Variants in NDUFA10 observed in about 807,000 individuals in gnomAD.
NDUFA10 encodes NADH dehydrogenase [ubiquinone] 1 alpha subcomplex subunit 10, mitochondrial.
A neutral mutation model predicts 47.8 loss-of-function variants in NDUFA10; 40 were observed. That is an observed-to-expected ratio of 0.84 (90% CI 0.65 to 1.09). The LOEUF (loss-of-function observed/expected upper bound fraction) is 1.09, where lower values mean the gene tolerates loss of function less well. Among genes scored for constraint, NDUFA10 ranks in the 50% least tolerant of loss-of-function variants. The pLI, the probability that NDUFA10 is intolerant of heterozygous loss-of-function variation, is 0.00. For missense variants in NDUFA10, 413 were observed against 451.1 expected (o/e 0.92, Z 0.76); for synonymous variants, 183 against 172.2 (o/e 1.06, Z -0.49).
At chr2:239,905,511 A>C (rs1693634582) in intron 4 of NDUFA10, among the ~76,000 whole-genome samples, 1 of 152,234 alleles carries the variant, frequency 6.6e-6, no homozygotes, top group Non-Finnish European at 1.5e-5. Context: ...GTGTGAGGCC[A>C]ACAGCACCTG....
chr2:240,018,257 G>C, intron 4 of NDUFA10: 1 of 699,102 alleles, frequency 1.4e-6, no homozygotes, highest in South Asian at 1.9e-5. Flanking sequence ...TAAGAGCGGG[G>C]GAGGTTCTAA....
chr2:240,004,279 G>A (rs1366519815), intron 8 of NDUFA10, among the ~76,000 whole-genome samples: 2 of 152,192 alleles, frequency 1.3e-5, no homozygotes, highest in East Asian at 1.9e-4. Context: ...TCCTTGGCAG[G>A]AGCAGTTTCA....
intron 8 of NDUFA10, among the ~76,000 whole-genome samples, chr2:240,002,355 A>G (rs1197785716): frequency 5.4e-5 from 8 of 148,192 alleles, no homozygotes; most frequent in Admixed American, 5.4e-4. Flanking sequence ...AAAAAAAAAA[A>G]AGACAAGGAA....
chr2:239,918,456 C>T (rs1322095862), intron 4 of NDUFA10, among the ~76,000 whole-genome samples: 2 of 152,230 alleles, frequency 1.3e-5, no homozygotes, highest in East Asian at 1.9e-4. Context: ...CCTCTTGAGC[C>T]CCTCCACCCC....
intron 9 of NDUFA10, among the ~76,000 whole-genome samples, chr2:239,972,787 C>T (rs1559337429): frequency 6.6e-6 from 1 of 152,166 alleles, no homozygotes; most frequent in African/African-American, 2.4e-5. Flanking sequence ...TCCTCCTTAA[C>T]TCTTATTAGC....
At chr2:239,989,978 C>A in intron 9 of NDUFA10, 96 bp downstream of exon 9, 2 of 897,816 alleles carry the variant, frequency 2.2e-6, no homozygotes, top group Non-Finnish European at 3.7e-6. Context: ...CAAAACACAG[C>A]AACAACAAAA....
chr2:240,004,685 G>T (rs1696877221), intron 8 of NDUFA10, among the ~76,000 whole-genome samples: 2 of 149,318 alleles, frequency 1.3e-5, no homozygotes, highest in East Asian at 3.9e-4. Context: ...TTGGCTGCTG[G>T]GCGCACCTTC....
intron 9 of NDUFA10, among the ~76,000 whole-genome samples, chr2:239,966,985 CCATGCTGTA>C (rs1485959498): frequency 6.6e-6 from 1 of 151,656 alleles, no homozygotes; most frequent in African/African-American, 2.4e-5. Context: ...AACCACTGGC[CCATGCTGTA>C]CATCACTCTG....
rs1313135953 is a variant in NDUFA10 at position 239,945,128 on chromosome 2, G to A, written c.294+44946C>T. 6.6e-6 allele frequency among the ~76,000 whole-genome samples: 1 copy of A among 152,068 alleles called. No individual in the cohort carries two copies. On this transcript the variant is annotated intron_variant, in intron 4 of 5. Coordinates refer to the NDUFA10 transcript ENST00000419408. This position sits in a 1 kb window ranked among gnomAD's most constrained non-coding sequence, Gnocchi z 4.6. ...CTATCCTCTACAGAAACCCAGGCAC[G>A]TGTACAGCCATCAGAGCCCCGGCAC...
downstream of NDUFA10, among the ~76,000 whole-genome samples, chr2:239,955,881 C>T (rs894723535): frequency 7.9e-5 from 12 of 152,126 alleles, no homozygotes; most frequent in Admixed American, 1.3e-4. Flanking sequence ...ACCTGAGAGA[C>T]CAAAGTGGGG....
chr2:239,973,295 C>T (rs4149558), intron 9 of NDUFA10, among the ~76,000 whole-genome samples: 117,306 of 152,108 alleles, frequency 0.77, 45,592 homozygotes, highest in African/African-American at 0.86. Context: ...TCATGAGGAA[C>T]CTAAAGCAGT....
chr2:239,955,399 T>C (rs1348109487), downstream of NDUFA10, among the ~76,000 whole-genome samples: 1 of 152,208 alleles, frequency 6.6e-6, no homozygotes, highest in Non-Finnish European at 1.5e-5. Flanking sequence ...AGCCGTCCTA[T>C]GGTCAGCGCT....
intron 4 of NDUFA10, among the ~76,000 whole-genome samples, chr2:239,905,032 T>A (rs1416286856): frequency 6.6e-6 from 1 of 152,228 alleles, no homozygotes; most frequent in Non-Finnish European, 1.5e-5. Flanking sequence ...AACCTTTAAC[T>A]GAGCTACAAA....
Position 239,897,412 on chromosome 2 carries a change from A to AG in NDUFA10, c.295-2099_295-2098insC, listed in dbSNP as rs1458686232. 3.5e-5 allele frequency among the ~76,000 whole-genome samples: 4 copies of AG among 115,262 alleles called. No individual in the cohort carries two copies. The South Asian group carries it at 1.3e-3, about 36-fold the overall frequency. 75.6% of individuals were successfully genotyped at this position (115,262 alleles called of 152,430 possible). A position where few individuals can be genotyped will look rare whatever the true frequency, so the allele number is the denominator to read the frequency against. On this transcript the variant is annotated intron_variant, in intron 4 of 5. Transcript: ENST00000419408. Reference sequence around the variant, plus strand: ...TTAGATCATACTTTTTCTTGAAGTGAAAAAAAAAATTAACATGCACGTACC... The same window carrying AG: ...TTAGATCATACTTTTTCTTGAAGTGAGAAAAAAAAATTAACATGCACGTACC...
Position 239,945,592 on chromosome 2 carries a change from G to A in NDUFA10, c.294+44482C>T, listed in dbSNP as rs576448431. On this transcript the variant is annotated intron_variant, in intron 4 of 5. Transcript: ENST00000419408. This position sits in a 1 kb window ranked among gnomAD's most constrained non-coding sequence, Gnocchi z 4.6. ...TGGGGGCTGAGGCTCCCTCCAGGGA[G>A]GACTTGGCCACACACTGGTCCTTCA... 1.2e-4 allele frequency among the ~76,000 whole-genome samples: 19 copies of A among 152,314 alleles called. 1 individual carries two copies. In the South Asian group the frequency reaches 2.3e-3, roughly 18 times the overall value.
intron 8 of NDUFA10, among the ~76,000 whole-genome samples, chr2:240,004,215 G>A (rs987260691): frequency 2.6e-5 from 4 of 152,150 alleles, no homozygotes; most frequent in Non-Finnish European, 5.9e-5. Context: ...CCAGGGCCAG[G>A]GAGCAGCATG....
At chr2:239,976,433 A>G (rs1695524983) in intron 9 of NDUFA10, 1 of 151,500 alleles carries the variant, frequency 6.6e-6, no homozygotes, top group African/African-American at 2.4e-5. Flanking sequence ...TGCCCCCCCC[A>G]AGACTCTACT....
intron 9 of NDUFA10, among the ~76,000 whole-genome samples, chr2:239,986,357 G>A (rs1696001923): frequency 6.6e-6 from 1 of 152,212 alleles, no homozygotes; most frequent in Non-Finnish European, 1.5e-5. Context: ...CGCCATGGTA[G>A]CAGAGACAGG....
chr2:240,008,686 G>C (rs1236048315), intron 6 of NDUFA10, among the ~76,000 whole-genome samples: 1 of 152,234 alleles, frequency 6.6e-6, no homozygotes, highest in East Asian at 1.9e-4. Flanking sequence ...AGGACGATGT[G>C]ACAGTTTCGT....
Sources: allele counts gnomAD v4.1 joint callset (sites outside exome capture counted in the v4.1 genomes callset), GRCh38; gene constraint gnomAD v4.1.1; non-coding constraint Gnocchi (gnomAD v3.1); transcripts MANE v1.5; gene names NCBI Gene and HGNC (gene_info 2026-07-23, HGNC 2026-07-21).